Variants in ZNF804B observed in about 807,000 individuals in gnomAD.
ZNF804B encodes the protein zinc finger 804B.
Under a neutral mutation model 101.4 loss-of-function variants are expected in ZNF804B, and 80 were observed. The observed-to-expected ratio is 0.79, with a 90% CI of 0.66 to 0.95. ZNF804B has a LOEUF of 0.95. Ranked by LOEUF, ZNF804B falls within the 40% of genes least tolerant of loss-of-function variation. The pLI is 0.00. For synonymous variants in ZNF804B, 622 were observed against 558.8 expected (o/e 1.11, Z -1.59); for missense variants, 1,673 against 1,561.9 (o/e 1.07, Z -1.20).
chr7:89,163,604 G>C (rs1385377729), intron 1 of ZNF804B, among the ~76,000 whole-genome samples: 3 of 151,692 alleles, frequency 2.0e-5, no homozygotes, highest in Admixed American at 6.6e-5. Context: ...ATCACTTCTG[G>C]GTTATCAGTA....
chr7:89,336,116 A>T lies in ZNF804B; in HGVS notation c.3134A>T (p.Asp1045Val). 6.2e-7 allele frequency: 1 copy of T among 1,613,966 alleles called. No homozygotes were observed. Among genetic ancestry groups the T allele is most frequent in the Non-Finnish European group, 8.5e-7 (1 of 1,179,994 alleles). Residue 1045 changes from aspartate to valine, a missense_variant, in exon 4 of 4, where the codon GAT becomes GTT. Transcript: ENST00000333190. ...TESQSLNIKR[D>V]ATTKEQSKPL... ...TCTCAGTCACTAAACATAAAAAGGG[A>T]TGCAACAACAAAAGAACAATCAAAA...
chr7:88,902,927 A>C (rs1792414495), intron 1 of ZNF804B, among the ~76,000 whole-genome samples: 2 of 152,032 alleles, frequency 1.3e-5, no homozygotes, highest in African/African-American at 4.8e-5. Flanking sequence ...TTTTGATTTT[A>C]TTTATGTTAT....
intron 1 of ZNF804B, among the ~76,000 whole-genome samples, chr7:89,128,027 G>A (rs1468193798): frequency 3.3e-5 from 5 of 151,734 alleles, no homozygotes; most frequent in Non-Finnish European, 7.4e-5. Context: ...TACTTTTGTA[G>A]GTATTTTTGT....
At chr7:88,882,471 T>G (rs1199852125) in intron 1 of ZNF804B, among the ~76,000 whole-genome samples, 1 of 152,168 alleles carries the variant, frequency 6.6e-6, no homozygotes, top group Non-Finnish European at 1.5e-5. Context: ...TGGAGATTTC[T>G]CAAAGAACTT....
intron 1 of ZNF804B, among the ~76,000 whole-genome samples, chr7:89,056,991 G>A (rs2116275212): frequency 6.6e-6 from 1 of 152,194 alleles, no homozygotes; most frequent in African/African-American, 2.4e-5. Context: ...AAGAGTGCAG[G>A]GAGAAGTCAT....
At chr7:89,267,982 A>G (rs1040452441) in intron 2 of ZNF804B, among the ~76,000 whole-genome samples, 1 of 152,028 alleles carries the variant, frequency 6.6e-6, no homozygotes, top group Non-Finnish European at 1.5e-5. Context: ...CTATTTAATT[A>G]TATCTTTTCT....
intron 2 of ZNF804B, among the ~76,000 whole-genome samples, chr7:89,305,159 C>G (rs1175714943): frequency 6.6e-6 from 1 of 151,938 alleles, no homozygotes; most frequent in African/African-American, 2.4e-5. Context: ...AGAACTTGCA[C>G]TTTTAATGTG....
At chr7:88,897,402 G>T (rs1354169599) in intron 1 of ZNF804B, among the ~76,000 whole-genome samples, 1 of 152,166 alleles carries the variant, frequency 6.6e-6, no homozygotes, top group African/African-American at 2.4e-5. Flanking sequence ...GCTTCTACAG[G>T]CTGGAAAAGA....
intron 2 of ZNF804B, among the ~76,000 whole-genome samples, chr7:89,230,631 A>G (rs1032719126): frequency 6.6e-6 from 1 of 152,150 alleles, no homozygotes; most frequent in Non-Finnish European, 1.5e-5. Flanking sequence ...GCACTAATAT[A>G]GTCAACTCTT....
chr7:89,210,281 G>C (rs879325562), intron 1 of ZNF804B, among the ~76,000 whole-genome samples: 6 of 152,094 alleles, frequency 3.9e-5, no homozygotes, highest in Non-Finnish European at 7.4e-5. Context: ...AAAAAACAGA[G>C]ATTAAAAACT....
chr7:89,084,512 G>A (rs1339635665), intron 1 of ZNF804B, among the ~76,000 whole-genome samples: 1 of 151,902 alleles, frequency 6.6e-6, no homozygotes, highest in Non-Finnish European at 1.5e-5. Context: ...TGTGGCAAGT[G>A]TTTACAGTGG....
chr7:89,250,897 A>G (rs1162773326), intron 2 of ZNF804B, among the ~76,000 whole-genome samples: 1 of 152,230 alleles, frequency 6.6e-6, no homozygotes, highest in Non-Finnish European at 1.5e-5. Context: ...ACATGTCTTC[A>G]TGTTAAAAAC....
At chr7:88,869,178 G>A (rs1282431287) in intron 1 of ZNF804B, among the ~76,000 whole-genome samples, 1 of 151,938 alleles carries the variant, frequency 6.6e-6, no homozygotes, top group Non-Finnish European at 1.5e-5. Flanking sequence ...TTAATATAAG[G>A]CTTACAAATA....
intron 1 of ZNF804B, among the ~76,000 whole-genome samples, chr7:88,814,132 C>A (rs907086351): frequency 6.6e-6 from 1 of 152,050 alleles, no homozygotes; most frequent in African/African-American, 2.4e-5. Flanking sequence ...GGCTAATTAT[C>A]ATGTCAGTAA....
At chr7:89,104,875 A>C (rs994657799) in intron 1 of ZNF804B, among the ~76,000 whole-genome samples, 1 of 152,046 alleles carries the variant, frequency 6.6e-6, no homozygotes. Flanking sequence ...TCAAATACTT[A>C]TCTGTGATTG....
chr7:88,823,250 T>C (rs6952487), intron 1 of ZNF804B, among the ~76,000 whole-genome samples: 32,551 of 151,900 alleles, frequency 0.21, 3,568 homozygotes, highest in African/African-American at 0.26. Flanking sequence ...TATATAAATA[T>C]ACAAATACAT....
At chr7:89,035,928 T>A (rs2040528) in intron 1 of ZNF804B, among the ~76,000 whole-genome samples, 1 of 143,880 alleles carries the variant, frequency 7.0e-6, no homozygotes, top group African/African-American at 2.5e-5. Flanking sequence ...TATAATATAT[T>A]AATATATTAT....
chr7:88,843,494 TG>T (rs1396414746), intron 1 of ZNF804B, among the ~76,000 whole-genome samples: 2 of 152,100 alleles, frequency 1.3e-5, no homozygotes, highest in Non-Finnish European at 2.9e-5. Context: ...TCCCAGCACT[TG>T]GGGAGGCTGA....
chr7:89,202,932 G>A (rs1300175233), intron 1 of ZNF804B, among the ~76,000 whole-genome samples: 1 of 152,024 alleles, frequency 6.6e-6, no homozygotes, highest in Non-Finnish European at 1.5e-5. Flanking sequence ...AGCTACAATA[G>A]ACGTATTGTA....
Sources: gnomAD v4.1 joint callset for allele counts (sites outside exome capture counted in the v4.1 genomes callset) on GRCh38, gnomAD v4.1.1 for gene constraint, MANE v1.5 for transcripts, NCBI Gene and HGNC (gene_info 2026-07-23, HGNC 2026-07-21) for gene names.